KCNH6: variants seen among roughly 807,000 people sequenced by gnomAD.
KCNH6 encodes voltage-gated inwardly rectifying potassium channel KCNH6.
Under a neutral mutation model 83.4 loss-of-function variants are expected in KCNH6, and 81 were observed. That is an observed-to-expected ratio of 0.97 (90% CI 0.81 to 1.17). KCNH6 has a LOEUF of 1.17. Ranked by LOEUF, KCNH6 falls within the 50% of genes most tolerant of loss-of-function variation. KCNH6 has a pLI of 0.00. For missense variants in KCNH6, 1,203 were observed against 1,290.5 expected, an observed-to-expected ratio of 0.93 and a Z score of 1.04; for synonymous variants, 503 against 545.6, an observed-to-expected ratio of 0.92 and a Z score of 1.09.
intron 8 of KCNH6, among the ~76,000 whole-genome samples, chr17:63,540,406 T>G (rs1342155632): frequency 6.6e-6 from 1 of 151,820 alleles, no homozygotes; most frequent in Non-Finnish European, 1.5e-5. Flanking sequence ...TACTCCAGCC[T>G]GGGTGGCAGA....
chr17:63,526,529 T>A (rs12951967), intron 2 of KCNH6, among the ~76,000 whole-genome samples: 44,160 of 151,764 alleles, frequency 0.29, 7,083 homozygotes, highest in Middle Eastern at 0.39. Context: ...ACTAATTTTT[T>A]AATTTTTTGT....
At chr17:63,539,019 G>A (rs1210130084) in intron 8 of KCNH6, among the ~76,000 whole-genome samples, 3 of 152,130 alleles carry the variant, frequency 2.0e-5, no homozygotes, top group Non-Finnish European at 4.4e-5. Flanking sequence ...TTTCTGGGTG[G>A]AGGTGGATGC....
intron 6 of KCNH6, among the ~76,000 whole-genome samples, chr17:63,536,992 T>C (rs954012912): frequency 8.3e-5 from 12 of 144,196 alleles, no homozygotes; most frequent in Admixed American, 8.3e-4. Flanking sequence ...TTTTCGACAG[T>C]GACAGCAGAG....
intron 4 of KCNH6, among the ~76,000 whole-genome samples, chr17:63,530,756 C>A (rs73332023): frequency 6.6e-6 from 1 of 152,334 alleles, no homozygotes; most frequent in African/African-American, 2.4e-5. Context: ...TGCCCAGCTC[C>A]TAGAGCCAGA....
At chr17:63,544,750 A>G (rs995134985) in intron 11 of KCNH6, among the ~76,000 whole-genome samples, 1 of 152,108 alleles carries the variant, frequency 6.6e-6, no homozygotes. Context: ...TCTGTTCCCT[A>G]CCAGCAAGAG....
At chr17:63,536,273 T>C (rs2032495687) in intron 6 of KCNH6, 1 of 583,100 alleles carries the variant, frequency 1.7e-6, no homozygotes, top group Non-Finnish European at 3.0e-6. Flanking sequence ...CCATGCTATC[T>C]GCCAGGCACC....
chr17:63,545,411 G>C, intron 12 of KCNH6, 147 bp downstream of exon 12: 1 of 1,007,404 alleles, frequency 9.9e-7, no homozygotes, highest in Non-Finnish European at 1.4e-6. Context: ...TATGATCAGA[G>C]TCATGATAGG....
chr17:63,530,062 A>T, intron 2 of KCNH6, 29 bp from the exon 3 acceptor site: 1 of 1,609,598 alleles, frequency 6.2e-7, no homozygotes, highest in Non-Finnish European at 8.5e-7. Flanking sequence ...TTCAGGGCCC[A>T]CCCCCCATCC....
At position 63,533,784 on chromosome 17, in the gene KCNH6, C is replaced by A; in HGVS notation, c.676-102C>A. The A allele has an allele frequency of 8.9e-7, 1 of 1,122,518 alleles. No individual in the cohort carries two copies. The highest frequency in any genetic ancestry group is 1.3e-6 in the Non-Finnish European group (1 of 780,830). 69.5% of individuals were successfully genotyped at this position (1,122,518 alleles called of 1,614,324 possible). A position where few individuals can be genotyped will look rare whatever the true frequency, so the allele number is the denominator to read the frequency against. Reference sequence around the variant, plus strand: ...CCTCTGCCCACCAGAGCCGTGGTCACCCACCCTCTCCCACTACACCTTCCC... The same window carrying A: ...CCTCTGCCCACCAGAGCCGTGGTCAACCACCCTCTCCCACTACACCTTCCC... On this transcript the variant is annotated intron_variant, in intron 4 of 12. Coordinates refer to ENST00000314672, the MANE Select transcript of KCNH6 (RefSeq NM_001278919.2). This position sits in a 1 kb window ranked among gnomAD's most constrained non-coding sequence, Gnocchi z 4.1.
chr17:63,538,631 C>G lies in KCNH6; in HGVS notation c.1923C>G (p.Ile641Met). The G allele has an allele frequency of 6.2e-7, 1 of 1,602,276 alleles. No individual in the cohort carries two copies. ...LYFISRGSIE[I>M]LRDDVVVAIL... ...TCATCTCCCGAGGCTCCATCGAGAT[C>G]CTGCGCGACGACGTGGTCGTGGCCA... The change falls in exon 8 of 13, where the codon ATC becomes ATG. Residue 641 changes from isoleucine (I) to methionine (M), a missense_variant. Transcript: ENST00000314672. This position sits in a 1 kb window ranked among gnomAD's most constrained non-coding sequence, Gnocchi z 4.0.
At position 63,534,245 on chromosome 17, in the gene KCNH6, G is replaced by C. The variant is rs200406382; in HGVS notation, c.1035G>C (p.Trp345Cys). The C allele has an allele frequency of 6.2e-7, 1 of 1,614,116 alleles. No individual in the cohort carries two copies. Among genetic ancestry groups the C allele is most frequent in the Non-Finnish European group, 8.5e-7 (1 of 1,180,008 alleles). ...TCGCCGTCCACTACTTCAAGGGCTG[G>C]TTCCTCATTGACATGGTGGCCGCCA... Reference protein sequence around the residue: ...RRIAVHYFKGWFLIDMVAAIP... With the variant: ...RRIAVHYFKGCFLIDMVAAIP... Residue 345 changes from tryptophan to cysteine, a missense_variant, in exon 5 of 13, where the codon TGG becomes TGC. Transcript: ENST00000314672. The surrounding 1 kb of genome is among the most constrained non-coding windows in gnomAD (Gnocchi z 5.0).
At chr17:63,544,496 T>G (rs1598015359) in intron 11 of KCNH6, 85 bp downstream of exon 11, 1 of 1,263,528 alleles carries the variant, frequency 7.9e-7, no homozygotes, top group Non-Finnish European at 1.0e-6. Flanking sequence ...GCCAGGTGGG[T>G]TTTAGAATGG....
rs200530660 is a variant in KCNH6 at position 63,538,119 on chromosome 17, A to G, written c.1556A>G (p.Tyr519Cys). The G allele has an allele frequency of 6.8e-6, 11 of 1,614,016 alleles. No homozygotes were observed. The highest frequency in any genetic ancestry group is 1.6e-4 in the Middle Eastern group (1 of 6,062). ...GNVSAIIQRL[Y>C]SGTARYHTQM... Reference sequence around the variant, plus strand: ...GTGTCCGCGATCATCCAGCGCCTGTACTCGGGCACCGCGCGCTACCACACG... The same window carrying G: ...GTGTCCGCGATCATCCAGCGCCTGTGCTCGGGCACCGCGCGCTACCACACG... The change falls in exon 7 of 13, where the codon TAC becomes TGC. Residue 519 changes from tyrosine (Y) to cysteine (C), a missense_variant. Physicochemically the swap from Tyr to Cys is radical, Grantham distance 194. Coordinates refer to ENST00000314672, the MANE Select transcript of KCNH6 (RefSeq NM_001278919.2). The surrounding 1 kb of genome is among the most constrained non-coding windows in gnomAD (Gnocchi z 4.0).
chr17:63,538,297 C>CG lies in KCNH6; in HGVS notation c.1701+34dup, dbSNP rs767522762. 5 of 1,551,748 alleles carry CG rather than the reference C, an allele frequency of 3.2e-6. No individual in the cohort carries two copies. In the Admixed American group the frequency reaches 8.9e-5, roughly 28 times the overall value. ...CCGCCGCTCCGGCTAATGCCCCGGGCGTGGGGGGGAGCCAAGATCCTGCGG... is the reference window on the plus strand; with the variant it reads ...CCGCCGCTCCGGCTAATGCCCCGGGCGGTGGGGGGGAGCCAAGATCCTGCGG... On this transcript the variant is annotated intron_variant, in intron 7 of 12. Transcript: ENST00000314672. The surrounding 1 kb of genome is among the most constrained non-coding windows in gnomAD (Gnocchi z 4.0).
chr17:63,545,383 G>T, intron 12 of KCNH6, 119 bp downstream of exon 12: 4 of 1,127,120 alleles, frequency 3.5e-6, no homozygotes, highest in Non-Finnish European at 5.0e-6. Flanking sequence ...AGCAGCCAGG[G>T]CTTCTGCTTA....
chr17:63,547,785 C>A (rs1259185611), downstream of KCNH6, among the ~76,000 whole-genome samples: 1 of 151,646 alleles, frequency 6.6e-6, no homozygotes, highest in African/African-American at 2.4e-5. Context: ...CTGGTCTCTA[C>A]AAAACAATTT....
At position 63,542,421 on chromosome 17, in the gene KCNH6, T is replaced by G; in HGVS notation, c.2135T>G (p.Phe712Cys). ...ESFWSKLEVT[F>C]NLRDAAGGLH... ...TTCTGGAGTAAGCTGGAGGTCACCT[T>G]CAACCTGCGGGACGTGAGTCAGGGC... The change falls in exon 9 of 13, where the codon TTC becomes TGC. Residue 712 changes from phenylalanine to cysteine, a missense_variant. By Grantham distance (205) the Phe-to-Cys change is radical. Transcript: ENST00000314672. 6.2e-7 allele frequency: 1 copy of G among 1,613,954 alleles called. No individual in the cohort carries two copies. The highest frequency in any genetic ancestry group is 1.1e-5 in the South Asian group (1 of 91,072).
chr17:63,528,410 G>A (rs981431683), intron 2 of KCNH6, among the ~76,000 whole-genome samples: 2 of 152,116 alleles, frequency 1.3e-5, no homozygotes, highest in Non-Finnish European at 2.9e-5. Flanking sequence ...AATCCAATAC[G>A]AGAGATTCCT....
In KCNH6 at chr17:63,543,645, A is replaced by T; in HGVS notation, c.2218A>T (p.Ser740Cys). 1 of 1,611,366 alleles carries T rather than the reference A, an allele frequency of 6.2e-7. No individual in the cohort carries two copies. The highest frequency in any genetic ancestry group is 8.5e-7 in the Non-Finnish European group (1 of 1,178,300). Residue 740 changes from serine to cysteine, a missense_variant, in exon 10 of 13, where the codon AGT becomes TGT. Coordinates refer to ENST00000314672, the MANE Select transcript of KCNH6 (RefSeq NM_001278919.2). ...GSQDHQGFFLSDNQSDAAPPL... is the reference protein window; with the variant it reads ...GSQDHQGFFLCDNQSDAAPPL... ...CCAAGACCACCAAGGTTTCTTTCTC[A>T]GTGACAACCAGTCAGGTGAGCAAAG...
Sources: allele counts gnomAD v4.1 joint callset (sites outside exome capture counted in the v4.1 genomes callset), GRCh38; gene constraint gnomAD v4.1.1; non-coding constraint Gnocchi (gnomAD v3.1); transcripts MANE v1.5; gene names NCBI Gene and HGNC (gene_info 2026-07-23, HGNC 2026-07-21).